The following NPC1L1 variants were observed in gnomAD, a reference collection of about 807,000 sequenced individuals.
NPC1L1 encodes the protein NPC1-like intracellular cholesterol transporter 1.
Under a neutral mutation model 117.0 loss-of-function variants are expected in NPC1L1, and 98 were observed. The ratio of observed to expected loss-of-function variants is 0.84; its 90% CI spans 0.71 to 0.99. The LOEUF is 0.99. Ranked by LOEUF, NPC1L1 falls within the 50% of genes least tolerant of loss-of-function variation. NPC1L1 has a pLI of 0.00. For synonymous variants in NPC1L1, 729 were observed against 727.6 expected (o/e 1.00, Z -0.03); for missense variants, 1,540 against 1,710.0 (o/e 0.90, Z 1.75).
chr7:44,532,058 G>A (rs55837134), intron 9 of NPC1L1, 22 bp downstream of exon 9: 250,605 of 1,613,884 alleles, frequency 0.16, 21,535 homozygotes, highest in Non-Finnish European at 0.17. Context: ...CCCTGCTCTC[G>A]TGTGGTTCGA....
rs1392658426 is a variant in NPC1L1 at position 44,535,988 on chromosome 7, C to G, written c.1855-20G>C. The G allele has an allele frequency of 6.2e-7, 1 of 1,612,568 alleles. No individual in the cohort carries two copies. The highest frequency in any genetic ancestry group is 8.5e-7 in the Non-Finnish European group (1 of 1,179,958). On this transcript the variant is annotated intron_variant, in intron 4 of 18. Coordinates refer to ENST00000381160, the MANE Select transcript of NPC1L1 (RefSeq NM_001101648.2). ...AGAGCGCTGTGGACACACACCCGAC[C>G]AGCCCCCACTGACCGTGCCTGCTTC...
Position 44,516,828 on chromosome 7 carries a change from C to T in NPC1L1, c.3394G>A (p.Gly1132Ser). ...AGGAGGCCGGAGCGCAGGTCCAGGCCCAGCAGGAGGCAGGAGACAGCGAAG... is the reference window on the plus strand; with the variant it reads ...AGGAGGCCGGAGCGCAGGTCCAGGCTCAGCAGGAGGCAGGAGACAGCGAAG... ...PTFAVSCLLL[G>S]LDLRSGLLNL... The change falls in exon 16 of 19, where the codon GGC becomes AGC. Residue 1132 changes from glycine (G) to serine (S), a missense_variant. Physicochemically the swap from Gly to Ser is moderately conservative, Grantham distance 56. Around this residue, in one of 3 missense-constraint regions of NPC1L1, gnomAD observed 742 missense variants for 873.6 expected, o/e 0.85. Coordinates refer to ENST00000381160, the MANE Select transcript of NPC1L1 (RefSeq NM_001101648.2). The T allele has an allele frequency of 6.2e-7, 1 of 1,614,082 alleles. No individual in the cohort carries two copies. The highest frequency in any genetic ancestry group is 8.5e-7 in the Non-Finnish European group (1 of 1,180,006).
chr7:44,516,820 G>T lies in NPC1L1; in HGVS notation c.3402C>A (p.Asp1134Glu), dbSNP rs777480616. 3 of 1,614,022 alleles carry T rather than the reference G, an allele frequency of 1.9e-6. No individual in the cohort carries two copies. Among genetic ancestry groups the T allele is most frequent in the Non-Finnish European group, 2.5e-6 (3 of 1,180,036 alleles). The part of the protein sequence containing the change: ...FAVSCLLLGL[D>E]LRSGLLNLLS... ...GCAGGTTGAGGAGGCCGGAGCGCAG[G>T]TCCAGGCCCAGCAGGAGGCAGGAGA... Residue 1134 changes from aspartate to glutamate, a missense_variant, in exon 16 of 19, where the codon GAC becomes GAA. Physicochemically the swap from Asp to Glu is conservative, Grantham distance 45 (BLOSUM62 2). Around this residue, in one of 3 missense-constraint regions of NPC1L1, gnomAD observed 742 missense variants for 873.6 expected, o/e 0.85. Transcript: ENST00000381160.
At position 44,539,861 on chromosome 7, in the gene NPC1L1, G is replaced by T; in HGVS notation, c.536C>A (p.Ala179Glu). The T allele has an allele frequency of 6.2e-7, 1 of 1,614,072 alleles. No homozygotes were observed. Among genetic ancestry groups the T allele is most frequent in the Non-Finnish European group, 8.5e-7 (1 of 1,180,034 alleles). ...GGTGCCCACAGCCAGCGTGGCAGCT[G>T]CAGGGACGCGCACACGGCTGCAGGA... ...YDSCSRVRVP[A>E]AATLAVGTMC... Residue 179 changes from alanine (A) to glutamate (E), a missense_variant, in exon 2 of 19, where the codon GCA (alanine) becomes GAA (glutamate). Physicochemically the swap from Ala to Glu is moderately radical, Grantham distance 107. Coordinates refer to ENST00000381160, the MANE Select transcript of NPC1L1 (RefSeq NM_001101648.2). This position sits in a 1 kb window ranked among gnomAD's most constrained non-coding sequence, Gnocchi z 4.4.
rs1355985515 is a variant in NPC1L1, at chr7:44,541,270, G to T, written c.-11C>A. 4 of 1,549,650 alleles carry T rather than the reference G, an allele frequency of 2.6e-6. No individual in the cohort carries two copies. The highest frequency in any genetic ancestry group is 2.4e-5 in the East Asian group (1 of 40,924). ...GCCGGCCTCCGCCATCCCAGGTCTG[G>T]GAAGGGGTCAGCGGGGAGCCAGGCC... is the stretch of plus-strand genomic sequence containing the variant. On this transcript the variant is annotated 5_prime_UTR_variant, in exon 1 of 19. Transcript: ENST00000381160.
At chr7:44,515,460 G>C (rs2117017196) in intron 18 of NPC1L1, among the ~76,000 whole-genome samples, 1 of 152,258 alleles carries the variant, frequency 6.6e-6, no homozygotes, top group Admixed American at 6.5e-5. Context: ...TTTTAGGCAG[G>C]CATGTCTATG....
At position 44,536,882 on chromosome 7, in the gene NPC1L1, C is replaced by G. The variant is rs773296263; in HGVS notation, c.1641G>C (p.Gly547=). The G allele has an allele frequency of 3.7e-6, 6 of 1,614,036 alleles. No homozygotes were observed. The highest frequency in any genetic ancestry group is 1.6e-4 in the Middle Eastern group (1 of 6,080). The change falls in exon 3 of 19, where the codon GGG becomes GGC. Residue 547 remains glycine, a synonymous_variant. Transcript: ENST00000381160. The surrounding 1 kb of genome is among the most constrained non-coding windows in gnomAD (Gnocchi z 4.7). The stretch of plus-strand genomic sequence containing the variant: ...TGGCAAGGAAGGGGAAGACAGGGGC[C>G]CCGTAGTCAGCCATGCAGCTCAGGG... ...ALALSCMADY[G]APVFPFLAIG...
chr7:44,516,849 C>G lies in NPC1L1; in HGVS notation c.3373G>C (p.Ala1125Pro). The G allele has an allele frequency of 1.9e-6, 3 of 1,614,094 alleles. No individual in the cohort carries two copies. The highest frequency in any genetic ancestry group is 2.5e-6 in the Non-Finnish European group (3 of 1,180,026). ...AGGCCCAGCAGGAGGCAGGAGACAG[C>G]GAAGGTGGGCACAAGGCAGAGGCTG... is the stretch of plus-strand genomic sequence containing the variant. ...MLSLCLVPTFAVSCLLLGLDL... is the reference protein window; with the variant it reads ...MLSLCLVPTFPVSCLLLGLDL... The change falls in exon 16 of 19, where the codon GCT (alanine) becomes CCT (proline). Residue 1125 changes from alanine to proline, a missense_variant. Coordinates refer to ENST00000381160, the MANE Select transcript of NPC1L1 (RefSeq NM_001101648.2).
At chr7:44,526,443 G>A (rs1346896737) in intron 10 of NPC1L1, among the ~76,000 whole-genome samples, 2 of 151,148 alleles carry the variant, frequency 1.3e-5, no homozygotes, top group African/African-American at 4.9e-5. Context: ...CAGCTACTTT[G>A]GAGGCTGAGG....
In NPC1L1 at chr7:44,517,219, A is replaced by G; in HGVS notation, c.3275T>C (p.Val1092Ala). The change falls in exon 15 of 19, where the codon GTC (valine) becomes GCC (alanine). Residue 1092 changes from valine to alanine, a missense_variant. Val to Ala is a moderately conservative substitution (Grantham distance 64). Transcript: ENST00000381160. The stretch of plus-strand genomic sequence containing the variant: ...CTCAGGTCCTCACGTGTAGGGGAAG[A>G]CCTCAAAAGCCGGGTCTGTTCCAGG... The part of the protein sequence containing the change: ...KVPGTDPAFE[V>A]FPYTITNVFY... 6.2e-7 allele frequency: 1 copy of G among 1,613,926 alleles called. No individual in the cohort carries two copies. Among genetic ancestry groups the G allele is most frequent in the Non-Finnish European group, 8.5e-7 (1 of 1,179,950 alleles).
intron 13 of NPC1L1, 38 bp downstream of exon 13, chr7:44,520,954 T>A (rs1563202753): frequency 6.2e-7 from 1 of 1,614,170 alleles, no homozygotes. Flanking sequence ...GTGTCCCACA[T>A]GTCTGTCCTC....
chr7:44,531,779 C>T lies in NPC1L1; in HGVS notation c.2613G>A (p.Leu871=). Residue 871 remains leucine (L), a synonymous_variant, in exon 10 of 19, where the codon CTG becomes CTA. Coordinates refer to ENST00000381160, the MANE Select transcript of NPC1L1 (RefSeq NM_001101648.2). ...CCTTGGGCAGGGCCAGCTCCTGGTC[C>T]AGTCCCACGCTGATGTGGCACATGG... ...LYSMCHISVG[L]DQELALPKDS... is the part of the protein sequence containing the mutation. 6.3e-7 allele frequency: 1 copy of T among 1,584,316 alleles called. No homozygotes were observed. Among genetic ancestry groups the T allele is most frequent in the Non-Finnish European group, 8.6e-7 (1 of 1,165,514 alleles).
chr7:44,522,024 T>C (rs1023462362), intron 11 of NPC1L1, 28 bp downstream of exon 11: 1 of 1,611,624 alleles, frequency 6.2e-7, no homozygotes, highest in Admixed American at 1.7e-5. Flanking sequence ...GGGAGTAGGC[T>C]GGGGTTTGGG....
Position 44,540,364 on chromosome 7 carries a change from C to T in NPC1L1, c.55-22G>A, listed in dbSNP as rs756315816. 3.4e-5 allele frequency: 54 copies of T among 1,605,864 alleles called. No homozygotes were observed. The East Asian group carries it at 8.7e-4, about 26-fold the overall frequency. ...GGGCCTGCAGAGCACAGCAACATCA[C>T]GCGTGGGCCCTGACACAGCTGGGTG... On this transcript the variant is annotated intron_variant, in intron 1 of 18. Transcript: ENST00000381160.
chr7:44,534,732 G>T lies in NPC1L1; in HGVS notation c.1984-103C>A. On this transcript the variant is annotated intron_variant, in intron 5 of 18. Transcript: ENST00000381160. This position sits in a 1 kb window ranked among gnomAD's most constrained non-coding sequence, Gnocchi z 5.2. ...AAAGTAGCCGGCAGGCACCCTCAGT[G>T]CCTGCAGGTGCCCGATACTGCCCCC... is the stretch of plus-strand genomic sequence containing the variant. 8.4e-7 allele frequency: 1 copy of T among 1,188,494 alleles called. No individual in the cohort carries two copies. Among genetic ancestry groups the T allele is most frequent in the Non-Finnish European group, 1.2e-6 (1 of 820,032 alleles). The allele number at this position is 1,188,494 out of a possible 1,614,324, so 73.6% of individuals were successfully genotyped here. A position where few individuals can be genotyped will look rare whatever the true frequency, so the allele number is the denominator to read the frequency against.
chr7:44,517,035 C>T (rs1801212223), intron 15 of NPC1L1, 101 bp from the exon 16 acceptor site: 1 of 1,445,806 alleles, frequency 6.9e-7, no homozygotes, highest in African/African-American at 1.4e-5. Context: ...GTCAGGCAGG[C>T]TTATATTGGG....
Position 44,539,045 on chromosome 7 carries a change from A to G in NPC1L1, c.1352T>C (p.Leu451Pro), listed in dbSNP as rs747189961. The G allele has an allele frequency of 3.7e-6, 6 of 1,613,976 alleles. No homozygotes were observed. The African/African-American group carries it at 8.0e-5, about 22-fold the overall frequency. ...GGGCGACCATACCTGGAGGTGCCGC[A>G]GCCTCTCCTGCAGCTCTAGCAGCTC... Reference protein sequence around the residue: ...LLELLELQERLRHLQVWSPEA... With the variant: ...LLELLELQERPRHLQVWSPEA... The change falls in exon 2 of 19, where the codon CTG (leucine) becomes CCG (proline). Residue 451 changes from leucine (L) to proline (P), a missense_variant. By Grantham distance (98) the Leu-to-Pro change is moderately conservative. Transcript: ENST00000381160. The surrounding 1 kb of genome is among the most constrained non-coding windows in gnomAD (Gnocchi z 4.4).
At position 44,521,816 on chromosome 7, in the gene NPC1L1, G is replaced by A; in HGVS notation, c.2849C>T (p.Ala950Val). 2.5e-6 allele frequency: 4 copies of A among 1,614,184 alleles called. No homozygotes were observed. Among genetic ancestry groups the A allele is most frequent in the Non-Finnish European group, 3.4e-6 (4 of 1,180,040 alleles). The change falls in exon 12 of 19, where the codon GCC becomes GTC. Residue 950 changes from alanine (A) to valine (V), a missense_variant. Around this residue, in one of 3 missense-constraint regions of NPC1L1, gnomAD observed 742 missense variants for 873.6 expected, o/e 0.85. Transcript: ENST00000381160. ...FPEQSYLAIP[A>V]SSWVDDFIDW... The stretch of plus-strand genomic sequence containing the variant: ...AATGAAGTCATCCACCCAGGAGGAG[G>A]CAGGGATGGCCAGGTAAGACCTAAG...
chr7:44,539,214 C>A lies in NPC1L1; in HGVS notation c.1183G>T (p.Ala395Ser). The change falls in exon 2 of 19, where the codon GCT (alanine) becomes TCT (serine). Residue 395 changes from alanine to serine, a missense_variant. Ala to Ser is a moderately conservative substitution (Grantham distance 99, BLOSUM62 1). Around this residue, in one of 3 missense-constraint regions of NPC1L1, gnomAD observed 793 missense variants for 820.4 expected, o/e 0.97. Transcript: ENST00000381160. The surrounding 1 kb of genome is among the most constrained non-coding windows in gnomAD (Gnocchi z 4.4). Reference protein sequence around the residue: ...APNSQARSEKAFHDQHFGPFF... With the variant: ...APNSQARSEKSFHDQHFGPFF... ...GGGCCGAAATGCTGGTCATGGAAAG[C>A]TTTCTCACTCCGGGCTTGGCTGTTG... 1.2e-6 allele frequency: 2 copies of A among 1,614,140 alleles called. No individual in the cohort carries two copies. Among genetic ancestry groups the A allele is most frequent in the African/African-American group, 1.3e-5 (1 of 75,054 alleles).
Sources: allele counts gnomAD v4.1 joint callset (sites outside exome capture counted in the v4.1 genomes callset), GRCh38; gene constraint gnomAD v4.1.1; regional missense constraint gnomAD v4.1.1; non-coding constraint Gnocchi (gnomAD v3.1); transcripts MANE v1.5; gene names NCBI Gene and HGNC (gene_info 2026-07-23, HGNC 2026-07-21).